Variants in PTPRB observed in about 807,000 individuals in gnomAD.
The protein encoded by PTPRB is receptor-type tyrosine-protein phosphatase beta.
In PTPRB, 97 loss-of-function variants were observed where a neutral mutation model predicts 238.1. The observed-to-expected ratio is 0.41, with a 90% CI of 0.35 to 0.48. The LOEUF is 0.48. Ranked by LOEUF, PTPRB falls within the 20% of genes least tolerant of loss-of-function variation. The pLI, the probability that PTPRB is intolerant of heterozygous loss-of-function variation, is 0.30. For missense variants in PTPRB, 2,292 were observed against 2,681.9 expected (o/e 0.85, Z 3.21); for synonymous variants, 970 against 995.4 (o/e 0.97, Z 0.48).
At chr12:70,556,252 C>G in intron 18 of PTPRB, 104 bp from the exon 19 acceptor site, 7 of 1,045,902 alleles carry the variant, frequency 6.7e-6, no homozygotes, top group Non-Finnish European at 9.6e-6. Flanking sequence ...ATAGGAGGGA[C>G]AGACAGGCAA....
chr12:70,620,012 A>C (rs1884856417), intron 3 of PTPRB, among the ~76,000 whole-genome samples: 1 of 152,214 alleles, frequency 6.6e-6, no homozygotes, highest in Non-Finnish European at 1.5e-5. Context: ...TGCTCAGTCT[A>C]AGGCGTTAGA....
chr12:70,630,918 G>A (rs982104097), intron 2 of PTPRB, among the ~76,000 whole-genome samples: 8 of 152,112 alleles, frequency 5.3e-5, no homozygotes, highest in Non-Finnish European at 1.0e-4. Context: ...ACTGCTCAAC[G>A]AAATAAAAGA....
intron 32 of PTPRB, among the ~76,000 whole-genome samples, chr12:70,526,846 C>T (rs1592386693): frequency 6.6e-6 from 1 of 152,106 alleles, no homozygotes; most frequent in Admixed American, 6.5e-5. Flanking sequence ...TGTGCTATGG[C>T]CTATTAATAA....
intron 14 of PTPRB, among the ~76,000 whole-genome samples, chr12:70,568,162 G>T (rs1328560428): frequency 2.0e-5 from 3 of 152,070 alleles, no homozygotes; most frequent in African/African-American, 7.2e-5. Context: ...GACTCTTCTT[G>T]TTTGCTCCTC....
At chr12:70,634,652 C>A (rs1885602133) in intron 2 of PTPRB, among the ~76,000 whole-genome samples, 1 of 152,118 alleles carries the variant, frequency 6.6e-6, no homozygotes, top group Admixed American at 6.5e-5. Flanking sequence ...AGCCATGGGG[C>A]AAGTCTGTGG....
In PTPRB at chr12:70,566,635, T is replaced by C. The variant is rs1879339322; in HGVS notation, c.3704A>G (p.Gln1235Arg). 1 of 1,613,924 alleles carries C rather than the reference T, an allele frequency of 6.2e-7. No homozygotes were observed. Among genetic ancestry groups the C allele is most frequent in the Non-Finnish European group, 8.5e-7 (1 of 1,179,914 alleles). The change falls in exon 15 of 34, where the codon CAA becomes CGA. Residue 1235 changes from glutamine to arginine, a missense_variant. Transcript: ENST00000334414. ...TCTTTCTGCCACACCAGCAGCTTTT[T>C]GCCAACTTACTATTAAGGAATAACT... ...YSSYSLIVSW[Q>R]KAAGVAERYD...
In PTPRB at chr12:70,560,846, A is replaced by C. The variant is rs1394063032; in HGVS notation, c.4257T>G (p.Phe1419Leu). 6.2e-7 allele frequency: 1 copy of C among 1,614,014 alleles called. No homozygotes were observed. The highest frequency in any genetic ancestry group is 2.2e-5 in the East Asian group (1 of 44,886). The change falls in exon 17 of 34, where the codon TTT (phenylalanine) becomes TTG (leucine). Residue 1419 changes from phenylalanine (F) to leucine (L), a missense_variant. Transcript: ENST00000334414. The surrounding 1 kb of genome is among the most constrained non-coding windows in gnomAD (Gnocchi z 4.2). ...WFNWSPASGD[F>L]DFYELILYNP... Reference sequence around the variant, plus strand: ...TATAGAGAATCAGCTCATAAAAGTCAAAGTCCCCAGAGGCTGGACTCCAGT... The same window carrying C: ...TATAGAGAATCAGCTCATAAAAGTCCAAGTCCCCAGAGGCTGGACTCCAGT...
intron 4 of PTPRB, among the ~76,000 whole-genome samples, chr12:70,603,019 G>T (rs1456853197): frequency 1.3e-5 from 2 of 150,026 alleles, no homozygotes; most frequent in African/African-American, 4.9e-5. Context: ...AGGAATGGAA[G>T]GCAAACAGTT....
At position 70,566,533 on chromosome 12, in the gene PTPRB, T is replaced by G. The variant is rs201608033; in HGVS notation, c.3806A>C (p.Lys1269Thr). The G allele has an allele frequency of 1.6e-5, 26 of 1,614,002 alleles. No individual in the cohort carries two copies. The African/African-American group carries it at 3.5e-4, about 22-fold the overall frequency. ...TSEPATTKQHKFEDLTPGKKY... is the reference protein window; with the variant it reads ...TSEPATTKQHTFEDLTPGKKY... The stretch of plus-strand genomic sequence containing the variant: ...CTTGCCTGGTGTTAGATCTTCAAAT[T>G]TGTGTTGCTTAGTGGTGGCTGGCTC... Residue 1269 changes from lysine (K) to threonine (T), a missense_variant, in exon 15 of 34, where the codon AAA becomes ACA. Lys to Thr is a moderately conservative substitution (Grantham distance 78, BLOSUM62 -1). Coordinates refer to ENST00000334414, the MANE Select transcript of PTPRB (RefSeq NM_001109754.4).
In PTPRB at chr12:70,637,174, A is replaced by G. The variant is rs184767029; in HGVS notation, c.55+167T>C. On this transcript the variant is annotated intron_variant, in intron 1 of 33. Coordinates refer to ENST00000334414, the MANE Select transcript of PTPRB (RefSeq NM_001109754.4). ...TATTTTCTTTTGGAGAGAAATCTCA[A>G]CAGTATGGGCATAGCTGGCTCCTTT... Among the ~76,000 whole-genome samples, 7 of 152,230 alleles carry G rather than the reference A, an allele frequency of 4.6e-5. No homozygotes were observed. The East Asian group carries it at 5.8e-4, about 13-fold the overall frequency.
Position 70,560,060 on chromosome 12 carries a change from C to T in PTPRB, c.4433-436G>A, listed in dbSNP as rs2136326383. Among the ~76,000 whole-genome samples the T allele has an allele frequency of 6.6e-6, 1 of 152,166 alleles. No individual in the cohort carries two copies. Among genetic ancestry groups the T allele is most frequent in the African/African-American group, 2.4e-5 (1 of 41,526 alleles). On this transcript the variant is annotated intron_variant, in intron 17 of 33. Coordinates refer to ENST00000334414, the MANE Select transcript of PTPRB (RefSeq NM_001109754.4). This position sits in a 1 kb window ranked among gnomAD's most constrained non-coding sequence, Gnocchi z 4.2. ...TCTCGTTGACCAGGCTGGTCTCGAACTCCAGACCTCAAGTGATCCACCCAC... is the reference window on the plus strand; with the variant it reads ...TCTCGTTGACCAGGCTGGTCTCGAATTCCAGACCTCAAGTGATCCACCCAC...
chr12:70,592,945 G>A (rs1393796209), intron 6 of PTPRB, among the ~76,000 whole-genome samples: 2 of 152,166 alleles, frequency 1.3e-5, no homozygotes, highest in African/African-American at 4.8e-5. Flanking sequence ...TTCCAGTTCA[G>A]AAATTCTTTA....
At chr12:70,592,152 C>T in intron 7 of PTPRB, 130 bp downstream of exon 7, 3 of 1,303,006 alleles carry the variant, frequency 2.3e-6, no homozygotes, top group Non-Finnish European at 3.2e-6. Context: ...ACTACAGACA[C>T]CTTCAGTTAC....
Position 70,560,558 on chromosome 12 carries a change from G to A in PTPRB, c.4432+113C>T. ...AGTCCCTTCCCAAATTCAGGGGCTA[G>A]CTCAGGGTATATCATTATTGGCTTT... is the stretch of plus-strand genomic sequence containing the variant. On this transcript the variant is annotated intron_variant, in intron 17 of 33. Transcript: ENST00000334414. This position sits in a 1 kb window ranked among gnomAD's most constrained non-coding sequence, Gnocchi z 4.2. The A allele has an allele frequency of 7.2e-7, 1 of 1,392,044 alleles. No homozygotes were observed. 86.2% of individuals were successfully genotyped at this position (1,392,044 alleles called of 1,614,324 possible).
In PTPRB at chr12:70,525,836, A is replaced by T. The variant is rs567134402; in HGVS notation, c.6505-1245T>A. Among the ~76,000 whole-genome samples the T allele has an allele frequency of 4.6e-5, 7 of 152,356 alleles. No homozygotes were observed. The East Asian group carries it at 7.7e-4, about 17-fold the overall frequency. ...TCCAGCCAGGCCAGGCTGAGCCATC[A>T]GGCTTCTGGGGATCCCAGTTTCCCC... On this transcript the variant is annotated intron_variant, in intron 32 of 33. Transcript: ENST00000334414.
chr12:70,549,428 G>T (rs1876551444), intron 21 of PTPRB, among the ~76,000 whole-genome samples: 1 of 152,106 alleles, frequency 6.6e-6, no homozygotes, highest in Non-Finnish European at 1.5e-5. Flanking sequence ...ATAATGATCT[G>T]CCCTTTCTCT....
At chr12:70,609,362 A>G (rs780070442) in intron 3 of PTPRB, 23 bp from the exon 4 acceptor site, 177 of 1,609,596 alleles carry the variant, frequency 1.1e-4, no homozygotes, top group Admixed American at 3.4e-4. Context: ...CAGACACAAC[A>G]GTTTAAGTCC....
intron 31 of PTPRB, among the ~76,000 whole-genome samples, chr12:70,533,985 T>C (rs1031669543): frequency 6.6e-6 from 1 of 152,212 alleles, no homozygotes; most frequent in Admixed American, 6.5e-5. Flanking sequence ...GACAAAGACA[T>C]GCTACTAGAC....
chr12:70,593,663 G>A (rs1188361283), intron 6 of PTPRB, among the ~76,000 whole-genome samples: 1 of 152,040 alleles, frequency 6.6e-6, no homozygotes, highest in African/African-American at 2.4e-5. Context: ...ATATATTTGA[G>A]GTGTGTTATA....
Sources: gnomAD v4.1 joint callset for allele counts (sites outside exome capture counted in the v4.1 genomes callset) on GRCh38, gnomAD v4.1.1 for gene constraint, Gnocchi (gnomAD v3.1) non-coding constraint, MANE v1.5 for transcripts, NCBI Gene and HGNC (gene_info 2026-07-23, HGNC 2026-07-21) for gene names.